CNIH1: variants seen among roughly 807,000 people sequenced by gnomAD.
CNIH1 encodes the protein cornichon family member 1.
In CNIH1, 12 loss-of-function variants were observed where a neutral mutation model predicts 20.2. That is an observed-to-expected ratio of 0.59 (90% confidence interval 0.38 to 0.96). The LOEUF is 0.96. Among genes scored for constraint, CNIH1 ranks in the 40% least tolerant of loss-of-function variants. The probability of loss-of-function intolerance (pLI) is 0.00; values close to 1 mark genes in which losing one functional copy is unlikely to be tolerated. For missense variants in CNIH1, 152 were observed against 178.8 expected, an observed-to-expected ratio of 0.85 and a Z score of 0.85; for synonymous variants, 69 against 63.3, an observed-to-expected ratio of 1.09 and a Z score of -0.43.
At chr14:54,435,359 T>C (rs1566717474) in intron 2 of CNIH1, among the ~76,000 whole-genome samples, 1 of 152,110 alleles carries the variant, frequency 6.6e-6, no homozygotes. Flanking sequence ...CTGGGCAATA[T>C]AGAGACACCC....
intron 2 of CNIH1, among the ~76,000 whole-genome samples, chr14:54,435,089 T>G (rs2031030502): frequency 6.6e-6 from 1 of 152,228 alleles, no homozygotes; most frequent in African/African-American, 2.4e-5. Flanking sequence ...ACACAAACTC[T>G]CCCCTTCGTT....
At chr14:54,434,722 A>G (rs949311370) in intron 2 of CNIH1, among the ~76,000 whole-genome samples, 12 of 152,208 alleles carry the variant, frequency 7.9e-5, no homozygotes, top group African/African-American at 2.9e-4. Flanking sequence ...TACTATTAAT[A>G]AACAGCTATC....
At position 54,427,469 on chromosome 14, in the gene CNIH1, A is replaced by C. The variant is rs2030848231; in HGVS notation, c.*345T>G. On this transcript the variant is annotated 3_prime_UTR_variant, in exon 5 of 5. Coordinates refer to ENST00000216416, the MANE Select transcript of CNIH1 (RefSeq NM_005776.3). ...CAAAATGAGCCCTACAAGTTCCTAT[A>C]AACAAAAGCTTCCAATGTACTAGGA... The C allele has an allele frequency of 4.6e-6, 1 of 217,408 alleles. No individual in the cohort carries two copies. Among genetic ancestry groups the C allele is most frequent in the Non-Finnish European group, 9.0e-6 (1 of 111,144 alleles). The allele number at this position is 217,408 out of a possible 1,614,324, so 13.5% of individuals were successfully genotyped here.
chr14:54,432,199 T>A lies in CNIH1; in HGVS notation c.172A>T (p.Ile58Phe). The A allele has an allele frequency of 6.4e-7, 1 of 1,550,758 alleles. No homozygotes were observed. Among genetic ancestry groups the A allele is most frequent in the Non-Finnish European group, 8.7e-7 (1 of 1,146,666 alleles). The change falls in exon 3 of 5, where the codon ATC becomes TTC. Residue 58 changes from isoleucine to phenylalanine, a missense_variant. By Grantham distance (21) the Ile-to-Phe change is conservative (BLOSUM62 0). This residue lies in a region of CNIH1 where 97 missense variants were observed against 100.6 expected (regional missense o/e 0.96). Transcript: ENST00000216416. ...LNPLVLPEYL[I>F]HAFFCVMFLC... Reference sequence around the variant, plus strand: ...AACATGACACAGAAGAAAGCGTGGATGAGGTACTCTGGGAGTACAAGCTGG... The same window carrying A: ...AACATGACACAGAAGAAAGCGTGGAAGAGGTACTCTGGGAGTACAAGCTGG...
chr14:54,435,257 A>T (rs2031033141), intron 2 of CNIH1, among the ~76,000 whole-genome samples: 1 of 152,184 alleles, frequency 6.6e-6, no homozygotes, highest in Non-Finnish European at 1.5e-5. Context: ...AATACAAAAA[A>T]ACAAACTGGG....
chr14:54,438,518 G>A (rs903659638), intron 1 of CNIH1, among the ~76,000 whole-genome samples: 10 of 152,132 alleles, frequency 6.6e-5, no homozygotes, highest in African/African-American at 2.4e-4. Context: ...ACATCTTTAA[G>A]GAATGACTTT....
intron 2 of CNIH1, among the ~76,000 whole-genome samples, chr14:54,433,417 A>C (rs549176162): frequency 6.6e-6 from 1 of 151,792 alleles, no homozygotes; most frequent in African/African-American, 2.4e-5. Flanking sequence ...CCAGGTAAAC[A>C]ACTCATCTAC....
At chr14:54,439,279 C>T (rs2031118341) in intron 1 of CNIH1, among the ~76,000 whole-genome samples, 1 of 151,976 alleles carries the variant, frequency 6.6e-6, no homozygotes, top group African/African-American at 2.4e-5. Flanking sequence ...CACGAATCTG[C>T]GGTATAATTT....
chr14:54,423,788 G>C lies in CNIH1; in HGVS notation c.*4026C>G, dbSNP rs900525394. ...TTACTTCTCCAGAATACATGAACAT[G>C]GGAACCAAAGAAATGTAAATATTTC... is the stretch of plus-strand genomic sequence containing the variant. On this transcript the variant is annotated 3_prime_UTR_variant, in exon 5 of 5. Coordinates refer to ENST00000216416, the MANE Select transcript of CNIH1 (RefSeq NM_005776.3). 1.3e-5 allele frequency: 2 copies of C among 152,086 alleles called. No individual in the cohort carries two copies. The highest frequency in any genetic ancestry group is 2.4e-5 in the African/African-American group (1 of 41,408). The allele number at this position is 152,086 out of a possible 1,614,324, so 9.4% of individuals were successfully genotyped here. A position where few individuals can be genotyped will look rare whatever the true frequency, so the allele number is the denominator to read the frequency against.
At chr14:54,437,143 G>A (rs555373323) in intron 1 of CNIH1, among the ~76,000 whole-genome samples, 19 of 152,142 alleles carry the variant, frequency 1.2e-4, no homozygotes, top group Non-Finnish European at 1.8e-4. Flanking sequence ...AACCTCAAGG[G>A]TCACTAGAAT....
intron 2 of CNIH1, among the ~76,000 whole-genome samples, chr14:54,435,828 T>G (rs745962716): frequency 3.3e-5 from 5 of 152,346 alleles, no homozygotes; most frequent in Admixed American, 2.0e-4. Flanking sequence ...TTTCAAGTAC[T>G]ACACCAAATA....
chr14:54,432,311 T>C (rs2140002298), intron 2 of CNIH1, 91 bp from the exon 3 acceptor site: 1 of 566,068 alleles, frequency 1.8e-6, no homozygotes, highest in Non-Finnish European at 3.1e-6. Context: ...GTTTCCATAA[T>C]GAAAAATCAC....
At chr14:54,432,045 T>C in intron 3 of CNIH1, 63 bp downstream of exon 3, 1 of 786,520 alleles carries the variant, frequency 1.3e-6, no homozygotes, top group South Asian at 3.5e-5. Flanking sequence ...AAGATAACCA[T>C]ATCAACCACA....
intron 1 of CNIH1, chr14:54,436,695 C>T: frequency 1.9e-6 from 1 of 538,950 alleles, no homozygotes; most frequent in Non-Finnish European, 3.4e-6. Context: ...TCGTCAATGC[C>T]TCTGCTCAAG....
intron 2 of CNIH1, among the ~76,000 whole-genome samples, chr14:54,435,708 T>C (rs2031041390): frequency 6.6e-6 from 1 of 152,108 alleles, no homozygotes; most frequent in Non-Finnish European, 1.5e-5. Context: ...AAGATAAAAC[T>C]AGATATGGCA....
At chr14:54,430,520 C>A (rs2030913116) in intron 3 of CNIH1, 116 bp from the exon 4 acceptor site, 3 of 959,206 alleles carry the variant, frequency 3.1e-6, no homozygotes, top group Non-Finnish European at 4.5e-6. Context: ...GGGAAGCATT[C>A]TTTTACTTAT....
At chr14:54,427,966 T>C in intron 4 of CNIH1, 125 bp from the exon 5 acceptor site, 1 of 911,832 alleles carries the variant, frequency 1.1e-6, no homozygotes. Flanking sequence ...TAATGACAAG[T>C]TCACAGTGAT....
intron 3 of CNIH1, among the ~76,000 whole-genome samples, chr14:54,431,392 C>T (rs1315922609): frequency 1.3e-5 from 2 of 152,172 alleles, no homozygotes; most frequent in African/African-American, 2.4e-5. Flanking sequence ...TCCCAAAGTG[C>T]TGGGATTACA....
chr14:54,429,438 G>C (rs1160437133), intron 4 of CNIH1, among the ~76,000 whole-genome samples: 1 of 152,190 alleles, frequency 6.6e-6, no homozygotes, highest in Non-Finnish European at 1.5e-5. Flanking sequence ...TGACCTAGAG[G>C]AACAATGAGT....
Sources: allele counts gnomAD v4.1 joint callset (sites outside exome capture counted in the v4.1 genomes callset), GRCh38; gene constraint gnomAD v4.1.1; regional missense constraint gnomAD v4.1.1; transcripts MANE v1.5; gene names NCBI Gene and HGNC (gene_info 2026-07-23, HGNC 2026-07-21).